TAFA2: variants seen among roughly 807,000 people sequenced by gnomAD.
TAFA2 encodes chemokine-like protein TAFA-2.
TAFA2 carries 7 observed loss-of-function variants against 18.8 expected under a neutral mutation model. That is an observed-to-expected ratio of 0.37 (90% CI 0.21 to 0.70). The LOEUF is 0.70. TAFA2 is among the 30% of genes least tolerant of loss of function. TAFA2 has a pLI of 0.53. For missense variants in TAFA2, 122 were observed against 158.1 expected (o/e 0.77, Z 1.23); for synonymous variants, 60 against 54.2 (o/e 1.11, Z -0.47).
chr12:61,743,287 T>G lies in TAFA2; in HGVS notation c.384+10335A>C, dbSNP rs115842514. Among the ~76,000 whole-genome samples the G allele has an allele frequency of 1.4e-3, 216 of 152,206 alleles. 1 individual carries two copies. Among genetic ancestry groups the G allele is most frequent in the African/African-American group, 5.0e-3 (206 of 41,566 alleles). On this transcript the variant is annotated intron_variant, in intron 4 of 4. Transcript: ENST00000416284. ...CCTTAAAAGTCACAAATATATGCCA[T>G]CCTAAAATGAGGAAATTACTGTTTC...
intron 1 of TAFA2, among the ~76,000 whole-genome samples, chr12:62,230,551 A>C (rs2062807944): frequency 6.6e-6 from 1 of 152,128 alleles, no homozygotes; most frequent in Non-Finnish European, 1.5e-5. Context: ...TTCTAGTCTT[A>C]TTCCATTGTG....
At chr12:62,062,871 A>G (rs1362734761) in intron 1 of TAFA2, among the ~76,000 whole-genome samples, 2 of 152,126 alleles carry the variant, frequency 1.3e-5, no homozygotes, top group East Asian at 3.9e-4. Flanking sequence ...AGGCCACCGC[A>G]TTCCTTGGCT....
chr12:62,210,812 A>G (rs2062710115), intron 1 of TAFA2, among the ~76,000 whole-genome samples: 1 of 152,206 alleles, frequency 6.6e-6, no homozygotes, highest in Non-Finnish European at 1.5e-5. Context: ...GAGATAGAAC[A>G]TAATCGTATG....
At chr12:62,127,047 A>C (rs547148409) in intron 1 of TAFA2, among the ~76,000 whole-genome samples, 1 of 152,196 alleles carries the variant, frequency 6.6e-6, no homozygotes, top group East Asian at 1.9e-4. Flanking sequence ...ATGAACCCAA[A>C]CACTTCTTAA....
intron 1 of TAFA2, among the ~76,000 whole-genome samples, chr12:62,231,765 G>T (rs2062813065): frequency 6.6e-6 from 1 of 152,146 alleles, no homozygotes; most frequent in Non-Finnish European, 1.5e-5. Flanking sequence ...ACGTTATGTG[G>T]TAAAAACAAT....
rs903455440 is a variant in TAFA2, at chr12:62,050,489, G to A, written c.-2+140770C>T. Among the ~76,000 whole-genome samples, 8 of 151,598 alleles carry A rather than the reference G, an allele frequency of 5.3e-5. 1 individual carries two copies. The highest frequency in any genetic ancestry group is 1.9e-4 in the African/African-American group (8 of 41,254). ...TGGGAGGCTGAGGCAGGAGACTGGC[G>A]TGAACCCGGGAGGCAGAGCTTGCAG... On this transcript the variant is annotated intron_variant, in intron 1 of 4. Coordinates refer to ENST00000416284, the MANE Select transcript of TAFA2 (RefSeq NM_178539.5).
At chr12:61,968,815 T>C (rs573436415) in intron 1 of TAFA2, among the ~76,000 whole-genome samples, 1 of 151,712 alleles carries the variant, frequency 6.6e-6, no homozygotes, top group Non-Finnish European at 1.5e-5. Context: ...CATGACTCTA[T>C]GAACTCTTAC....
intron 1 of TAFA2, among the ~76,000 whole-genome samples, chr12:61,869,165 T>C (rs1016594655): frequency 6.6e-6 from 1 of 152,182 alleles, no homozygotes. Context: ...CCTCATGACA[T>C]GTCAAAGATA....
intron 1 of TAFA2, among the ~76,000 whole-genome samples, chr12:61,982,591 T>C (rs1879675489): frequency 6.6e-6 from 1 of 152,180 alleles, no homozygotes; most frequent in Non-Finnish European, 1.5e-5. Context: ...TTTTTTGCTT[T>C]TAAGTGTCCC....
chr12:61,913,836 G>T (rs761162442), intron 1 of TAFA2, among the ~76,000 whole-genome samples: 4 of 152,272 alleles, frequency 2.6e-5, no homozygotes, highest in South Asian at 2.1e-4. Context: ...TCAGACGACA[G>T]GAGACACTGG....
At chr12:62,073,666 C>G (rs538170276) in intron 1 of TAFA2, among the ~76,000 whole-genome samples, 17 of 152,218 alleles carry the variant, frequency 1.1e-4, no homozygotes, top group South Asian at 4.2e-4. Context: ...CAAAATTTGA[C>G]TTTAGGTCTG....
intron 2 of TAFA2, among the ~76,000 whole-genome samples, chr12:61,817,769 CA>C (rs1872144821): frequency 6.6e-6 from 1 of 152,074 alleles, no homozygotes; most frequent in African/African-American, 2.4e-5. Context: ...TAAAAATGGC[CA>C]AAATAAACAT....
intron 1 of TAFA2, among the ~76,000 whole-genome samples, chr12:61,898,067 T>A (rs181569182): frequency 1.9e-3 from 290 of 152,306 alleles, no homozygotes; most frequent in African/African-American, 6.9e-3. Flanking sequence ...AGTCATCACA[T>A]CTTAAAGCTC....
In TAFA2 at chr12:62,009,220, TG is replaced by T. The variant is rs139357195; in HGVS notation, c.-1-141795del. Among the ~76,000 whole-genome samples the T allele has an allele frequency of 7.7e-3, 1,177 of 152,284 alleles. 16 individuals are homozygous for T. The highest frequency in any genetic ancestry group is 0.027 in the African/African-American group (1,126 of 41,552). ...TATTTGAAAGTCAGTTAAGTGAATT[TG>T]GGGGGCATCATAAGGCCAAAAGATG... is the stretch of plus-strand genomic sequence containing the variant. On this transcript the variant is annotated intron_variant, in intron 1 of 4. Transcript: ENST00000416284.
intron 1 of TAFA2, among the ~76,000 whole-genome samples, chr12:61,979,141 C>T (rs1385532676): frequency 6.6e-6 from 1 of 152,108 alleles, no homozygotes; most frequent in Non-Finnish European, 1.5e-5. Flanking sequence ...CCAATAATAA[C>T]CACTAAAATA....
chr12:62,071,976 A>C, intron 1 of TAFA2, among the ~76,000 whole-genome samples: 1 of 152,226 alleles, frequency 6.6e-6, no homozygotes, highest in East Asian at 1.9e-4. Context: ...ATAAAAAATT[A>C]ATAGCATATT....
At chr12:61,936,198 AC>A (rs1420101485) in intron 1 of TAFA2, among the ~76,000 whole-genome samples, 2 of 152,222 alleles carry the variant, frequency 1.3e-5, no homozygotes, top group Non-Finnish European at 2.9e-5. Flanking sequence ...TAAATGCAAT[AC>A]ATCACATAAA....
At chr12:61,921,921 C>A (rs2121367198) in intron 1 of TAFA2, among the ~76,000 whole-genome samples, 1 of 152,210 alleles carries the variant, frequency 6.6e-6, no homozygotes, top group Middle Eastern at 3.4e-3. Context: ...TGGTGTCCTT[C>A]AAGTCAAATA....
chr12:61,894,001 A>T, intron 1 of TAFA2, among the ~76,000 whole-genome samples: 1 of 152,194 alleles, frequency 6.6e-6, no homozygotes, highest in East Asian at 1.9e-4. Flanking sequence ...ATATGGATGC[A>T]GAAAAACTCC....
Sources: allele counts gnomAD v4.1 joint callset (sites outside exome capture counted in the v4.1 genomes callset), GRCh38; gene constraint gnomAD v4.1.1; transcripts MANE v1.5; gene names NCBI Gene and HGNC (gene_info 2026-07-23, HGNC 2026-07-21).